Variants in BMP2K observed in about 807,000 individuals in gnomAD.
The protein encoded by BMP2K is BMP2 inducible kinase.
In BMP2K, 74 loss-of-function variants were observed where a neutral mutation model predicts 116.0. That is an observed-to-expected ratio of 0.64 (90% CI 0.53 to 0.77). The LOEUF is 0.77. Ranked by LOEUF, BMP2K falls within the 30% of genes least tolerant of loss-of-function variation. BMP2K has a pLI of 0.00. For synonymous variants in BMP2K, 486 were observed against 502.5 expected (o/e 0.97, Z 0.44); for missense variants, 1,365 against 1,403.6 (o/e 0.97, Z 0.44).
At chr4:78,828,354 T>G (rs989733570) in intron 2 of BMP2K, among the ~76,000 whole-genome samples, 1 of 152,190 alleles carries the variant, frequency 6.6e-6, no homozygotes, top group Non-Finnish European at 1.5e-5. Flanking sequence ...GTACAGAGCT[T>G]CCTTGCCTCC....
intron 13 of BMP2K, among the ~76,000 whole-genome samples, chr4:78,874,200 C>A (rs895794815): frequency 1.0e-4 from 15 of 150,252 alleles, no homozygotes; most frequent in South Asian, 4.2e-4. Context: ...CACACACACA[C>A]AAAAAGTTCA....
At chr4:78,832,286 G>C (rs1435847953) in intron 2 of BMP2K, among the ~76,000 whole-genome samples, 1 of 152,034 alleles carries the variant, frequency 6.6e-6, no homozygotes, top group African/African-American at 2.4e-5. Context: ...ACCATTTTAT[G>C]TTCTAAGGAA....
intron 2 of BMP2K, among the ~76,000 whole-genome samples, chr4:78,831,046 G>A (rs1182405189): frequency 6.6e-6 from 1 of 152,198 alleles, no homozygotes; most frequent in East Asian, 1.9e-4. Context: ...TTCTCATTAA[G>A]CTTAACTATT....
intron 14 of BMP2K, among the ~76,000 whole-genome samples, chr4:78,880,256 G>A (rs1732833371): frequency 6.6e-6 from 1 of 152,148 alleles, no homozygotes; most frequent in Non-Finnish European, 1.5e-5. Context: ...ATTTTTAGTA[G>A]AGATGGGATT....
chr4:78,819,078 T>A (rs1345058075), intron 1 of BMP2K, among the ~76,000 whole-genome samples: 1 of 152,190 alleles, frequency 6.6e-6, no homozygotes, highest in Non-Finnish European at 1.5e-5. Context: ...CATACAATAT[T>A]ATTTATTGAA....
intron 1 of BMP2K, among the ~76,000 whole-genome samples, chr4:78,795,554 A>C (rs1371324060): frequency 2.6e-5 from 4 of 152,164 alleles, no homozygotes; most frequent in Non-Finnish European, 5.9e-5. Flanking sequence ...TAATTAAACT[A>C]AAGAGCTTCT....
intron 15 of BMP2K, among the ~76,000 whole-genome samples, chr4:78,903,536 T>A (rs1237577127): frequency 1.3e-5 from 2 of 151,968 alleles, no homozygotes; most frequent in African/African-American, 4.8e-5. Context: ...GTTAACATCA[T>A]CCCTATCAGG....
intron 12 of BMP2K, among the ~76,000 whole-genome samples, chr4:78,872,159 G>A (rs1042540582): frequency 2.2e-4 from 34 of 151,932 alleles, no homozygotes; most frequent in African/African-American, 7.2e-4. Context: ...GACCGATAAC[G>A]TACTTCTCTT....
intron 15 of BMP2K, among the ~76,000 whole-genome samples, chr4:78,909,447 T>C (rs1734465700): frequency 1.3e-5 from 2 of 152,170 alleles, no homozygotes; most frequent in African/African-American, 4.8e-5. Flanking sequence ...AGATGTATAA[T>C]GAAATATACG....
Position 78,844,810 on chromosome 4 carries a change from C to A in BMP2K, c.547-118C>A, listed in dbSNP as rs181340821. Reference sequence around the variant, plus strand: ...ATTTTTGTATATGGCATATACCCTTCGGTGTTTATTGTGTAAAAATAAGCT... The same window carrying A: ...ATTTTTGTATATGGCATATACCCTTAGGTGTTTATTGTGTAAAAATAAGCT... On this transcript the variant is annotated intron_variant, in intron 4 of 15. Transcript: ENST00000502613. The A allele has an allele frequency of 8.5e-6, 7 of 819,914 alleles. No homozygotes were observed. The African/African-American group carries it at 1.2e-4, about 14-fold the overall frequency. 50.8% of individuals were successfully genotyped at this position (819,914 alleles called of 1,614,324 possible).
At chr4:78,799,901 C>G (rs1312925965) in intron 1 of BMP2K, among the ~76,000 whole-genome samples, 1 of 152,076 alleles carries the variant, frequency 6.6e-6, no homozygotes, top group Non-Finnish European at 1.5e-5. Context: ...ACAATAATAA[C>G]TAGGTGGTTT....
intron 1 of BMP2K, among the ~76,000 whole-genome samples, chr4:78,789,679 T>G: frequency 6.6e-6 from 1 of 152,232 alleles, no homozygotes; most frequent in Admixed American, 6.5e-5. Context: ...TCACGATTAA[T>G]TTTAAAAGTT....
At chr4:78,880,159 G>A (rs975242343) in intron 14 of BMP2K, among the ~76,000 whole-genome samples, 8 of 152,128 alleles carry the variant, frequency 5.3e-5, no homozygotes, top group Non-Finnish European at 1.2e-4. Flanking sequence ...CGCAACCTCC[G>A]CCTCCTGGGT....
chr4:78,871,805 C>T, intron 11 of BMP2K, 45 bp from the exon 12 acceptor site: 1 of 1,365,388 alleles, frequency 7.3e-7, no homozygotes, highest in East Asian at 2.3e-5. Flanking sequence ...AGGGCTCTGA[C>T]ACAAAAAAGG....
chr4:78,910,514 G>A, intron 15 of BMP2K, 96 bp from the exon 16 acceptor site: 3 of 1,024,584 alleles, frequency 2.9e-6, no homozygotes, highest in Non-Finnish European at 4.1e-6. Flanking sequence ...TCGTATGAGG[G>A]ATTTGTAATG....
chr4:78,776,790 G>C, intron 1 of BMP2K, 69 bp downstream of exon 1: 2 of 1,192,288 alleles, frequency 1.7e-6, no homozygotes, highest in South Asian at 4.1e-5. Flanking sequence ...GGCTTCTCCG[G>C]GTCCTCGCCC....
chr4:78,889,219 T>G (rs1577962259), intron 15 of BMP2K, among the ~76,000 whole-genome samples: 1 of 58,538 alleles, frequency 1.7e-5, no homozygotes, highest in South Asian at 5.5e-4. Context: ...AGACTCTGTC[T>G]CAAAAAAAAA....
intron 1 of BMP2K, among the ~76,000 whole-genome samples, chr4:78,792,667 T>G (rs1259662013): frequency 6.6e-6 from 1 of 152,176 alleles, no homozygotes; most frequent in Non-Finnish European, 1.5e-5. Flanking sequence ...AATGTGATTT[T>G]TTTTTTTTAA....
intron 1 of BMP2K, among the ~76,000 whole-genome samples, chr4:78,782,364 C>T (rs1188419471): frequency 6.6e-6 from 1 of 152,222 alleles, no homozygotes; most frequent in Non-Finnish European, 1.5e-5. Context: ...TAAGGCTAGA[C>T]AGACTCTGTT....
Sources: gnomAD v4.1 joint callset for allele counts (sites outside exome capture counted in the v4.1 genomes callset) on GRCh38, gnomAD v4.1.1 for gene constraint, MANE v1.5 for transcripts, NCBI Gene and HGNC (gene_info 2026-07-23, HGNC 2026-07-21) for gene names.